The following NLRP5 variants were observed in gnomAD, a reference collection of about 807,000 sequenced individuals.
The protein encoded by NLRP5 is NACHT, LRR and PYD domains-containing protein 5.
Under a neutral mutation model 113.1 loss-of-function variants are expected in NLRP5, and 93 were observed. That is an observed-to-expected ratio of 0.82 (90% CI 0.70 to 0.98). The LOEUF is 0.98. NLRP5 is among the 50% of genes least tolerant of loss of function. The probability of loss-of-function intolerance (pLI) is 0.00; values close to 1 mark genes in which losing one functional copy is unlikely to be tolerated. For synonymous variants in NLRP5, 751 were observed against 600.7 expected (o/e 1.25, Z -3.66); for missense variants, 1,808 against 1,514.3 (o/e 1.19, Z -3.22).
At chr19:56,026,485 GC>G (rs1320802031) in intron 6 of NLRP5, among the ~76,000 whole-genome samples, 1 of 112,152 alleles carries the variant, frequency 8.9e-6, no homozygotes, top group African/African-American at 3.4e-5. Flanking sequence ...CTGAGATTGC[GC>G]CACTGCACTC....
At chr19:56,049,952 T>G (rs942624982) in intron 11 of NLRP5, among the ~76,000 whole-genome samples, 5 of 152,182 alleles carry the variant, frequency 3.3e-5, no homozygotes, top group South Asian at 2.1e-4. Context: ...GTTTTCTGCC[T>G]CCTTCTCATT....
rs745738758 is a variant in NLRP5 at position 56,028,309 on chromosome 19, C to T, written c.2076C>T (p.Phe692=). Residue 692 remains phenylalanine, a synonymous_variant, in exon 7 of 15, where the codon TTC becomes TTT. Transcript: ENST00000390649. ...CCCTGGACGCCTTCCACTGTCTTTT[C>T]GAGACTCAAGACAAAGAGTTTGTTC... is the stretch of plus-strand genomic sequence containing the variant. The T allele has an allele frequency of 7.4e-6, 12 of 1,613,836 alleles. No homozygotes were observed. Among genetic ancestry groups the T allele is most frequent in the South Asian group, 4.4e-5 (4 of 91,080 alleles).
intron 3 of NLRP5, among the ~76,000 whole-genome samples, chr19:56,009,357 AAAG>A (rs1982091252): frequency 6.7e-6 from 1 of 150,144 alleles, no homozygotes; most frequent in South Asian, 2.1e-4. Context: ...AAAAAAAAAA[AAAG>A]AGTTCTGTGG....
At chr19:56,030,603 C>G (rs182263093) in intron 7 of NLRP5, among the ~76,000 whole-genome samples, 29 of 152,072 alleles carry the variant, frequency 1.9e-4, no homozygotes, top group Admixed American at 1.7e-3. Flanking sequence ...TGAAAACGTG[C>G]GCAGCCACAG....
intron 12 of NLRP5, among the ~76,000 whole-genome samples, chr19:56,051,739 A>G (rs1313058248): frequency 2.6e-5 from 4 of 152,170 alleles, no homozygotes; most frequent in Admixed American, 6.5e-5. Context: ...AATCTCCTAA[A>G]GCTGGACACG....
chr19:56,033,665 G>C lies in NLRP5; in HGVS notation c.2571G>C (p.Ala857=). ...TGAAGGAAGAGGATGTAAGGATGGC[G>C]TGTGAAGCCTTAAAACACCCAAAAT... Residue 857 remains alanine, a synonymous_variant, in exon 9 of 15, where the codon GCG becomes GCC. Transcript: ENST00000390649. 6.2e-7 allele frequency: 1 copy of C among 1,613,830 alleles called. No individual in the cohort carries two copies. The highest frequency in any genetic ancestry group is 8.5e-7 in the Non-Finnish European group (1 of 1,179,758).
chr19:55,996,942 A>G (rs574677860), upstream of NLRP5, among the ~76,000 whole-genome samples: 245 of 152,316 alleles, frequency 1.6e-3, 1 homozygote, highest in Non-Finnish European at 2.5e-3. Flanking sequence ...ACTAGTTTAC[A>G]GTCCCACCAA....
intron 2 of NLRP5, among the ~76,000 whole-genome samples, chr19:56,006,286 A>T (rs1262401628): frequency 6.6e-6 from 1 of 151,948 alleles, no homozygotes; most frequent in African/African-American, 2.4e-5. Flanking sequence ...GGGGTGGGGG[A>T]AGTGGGGAGT....
chr19:55,999,212 C>CTTTTTTTTTTT (rs906346601), upstream of NLRP5, among the ~76,000 whole-genome samples: 9 of 111,714 alleles, frequency 8.1e-5, no homozygotes, highest in African/African-American at 2.8e-4. Context: ...TTTTCTTTTT[C>CTTTTTTTTTTT]TTTTTTTTTT....
At position 56,053,338 on chromosome 19, in the gene NLRP5, G is replaced by C. The variant is rs547022830; in HGVS notation, c.3129-300G>C. Among the ~76,000 whole-genome samples, 13 of 152,228 alleles carry C rather than the reference G, an allele frequency of 8.5e-5. No homozygotes were observed. In the South Asian group the frequency reaches 2.7e-3, roughly 32 times the overall value. On this transcript the variant is annotated intron_variant, in intron 12 of 14. Coordinates refer to ENST00000390649, the MANE Select transcript of NLRP5 (RefSeq NM_153447.4). ...TTGAACCTGGGAGGTGGAGGTTGCA[G>C]TGAGCCGAGATCACACCATTGCACT...
At chr19:55,999,809 C>T (rs755060160) in intron 1 of NLRP5, 1 of 1,595,604 alleles carries the variant, frequency 6.3e-7, no homozygotes, top group South Asian at 1.1e-5. Context: ...CTTAGAGTTA[C>T]CTATGAGGAA....
At chr19:56,059,504 C>T (rs1984276615) in intron 14 of NLRP5, among the ~76,000 whole-genome samples, 1 of 152,024 alleles carries the variant, frequency 6.6e-6, no homozygotes, top group Non-Finnish European at 1.5e-5. Context: ...GCATTGATAG[C>T]CCATTTGAGG....
chr19:56,026,344 C>G (rs529288299), intron 6 of NLRP5, among the ~76,000 whole-genome samples: 1 of 151,480 alleles, frequency 6.6e-6, no homozygotes, highest in Non-Finnish European at 1.5e-5. Context: ...CTGGCGAACA[C>G]GGTGAAACCC....
At position 56,033,837 on chromosome 19, in the gene NLRP5, G is replaced by A. The variant is rs150643049; in HGVS notation, c.2615+128G>A. ...AGTTTTGGTGATGGATGGTGGTGAC[G>A]ATTGCAGGAGTTGAGTGCCACTGAA... On this transcript the variant is annotated intron_variant, in intron 9 of 14. Coordinates refer to ENST00000390649, the MANE Select transcript of NLRP5 (RefSeq NM_153447.4). The A allele has an allele frequency of 9.2e-5, 69 of 746,020 alleles. 1 individual carries two copies. Among genetic ancestry groups the A allele is most frequent in the Admixed American group, 6.7e-4 (28 of 41,890 alleles). The allele number at this position is 746,020 out of a possible 1,614,324, so 46.2% of individuals were successfully genotyped here. A position where few individuals can be genotyped will look rare whatever the true frequency, so the allele number is the denominator to read the frequency against.
chr19:56,010,799 T>TA (rs143088636), intron 3 of NLRP5, among the ~76,000 whole-genome samples: 7,142 of 138,020 alleles, frequency 0.052, 278 homozygotes, highest in South Asian at 0.081. Flanking sequence ...GTTTTTTTTT[T>TA]ATCAAGCTAT....
chr19:56,005,366 C>A (rs1301760984), intron 2 of NLRP5, among the ~76,000 whole-genome samples: 1 of 144,322 alleles, frequency 6.9e-6, no homozygotes, highest in Non-Finnish European at 1.5e-5. Flanking sequence ...TTTTTATATA[C>A]ACACATATAT....
chr19:56,045,625 A>G (rs548378596), intron 11 of NLRP5, among the ~76,000 whole-genome samples: 5 of 152,090 alleles, frequency 3.3e-5, no homozygotes, highest in Admixed American at 6.6e-5. Context: ...TCATTGTTCA[A>G]TTCCCACCTA....
At chr19:56,012,900 C>T in intron 3 of NLRP5, among the ~76,000 whole-genome samples, 1 of 152,170 alleles carries the variant, frequency 6.6e-6, no homozygotes, top group East Asian at 1.9e-4. Context: ...ACTTTCCTTG[C>T]TTTTTTAAAG....
Position 56,058,400 on chromosome 19 carries a change from C to G in NLRP5, c.3460C>G (p.Gln1154Glu), listed in dbSNP as rs752647696. Residue 1154 changes from glutamine to glutamate, a missense_variant, in exon 14 of 15, where the codon CAG (glutamine) becomes GAG (glutamate). Physicochemically the swap from Gln to Glu is conservative, Grantham distance 29. Transcript: ENST00000390649. Reference sequence around the variant, plus strand: ...CTTTGCCTGTCCCACGTCTAACTTACAGATAATTGGGTAAGTCGCCAGCAA... The same window carrying G: ...CTTTGCCTGTCCCACGTCTAACTTAGAGATAATTGGGTAAGTCGCCAGCAA... 4 of 1,612,682 alleles carry G rather than the reference C, an allele frequency of 2.5e-6. No homozygotes were observed. The highest frequency in any genetic ancestry group is 3.3e-5 in the Admixed American group (2 of 59,774).
Sources: gnomAD v4.1 joint callset for allele counts (sites outside exome capture counted in the v4.1 genomes callset) on GRCh38, gnomAD v4.1.1 for gene constraint, MANE v1.5 for transcripts, NCBI Gene and HGNC (gene_info 2026-07-23, HGNC 2026-07-21) for gene names.